The following RASAL2 variants were observed in gnomAD, a reference collection of about 807,000 sequenced individuals.
RASAL2 encodes the protein ras GTPase-activating protein nGAP.
In RASAL2, 58 loss-of-function variants were observed where a neutral mutation model predicts 128.9. The observed-to-expected ratio is 0.45, with a 90% CI of 0.36 to 0.56. RASAL2 has a LOEUF of 0.56. Ranked by LOEUF, RASAL2 falls within the 20% of genes least tolerant of loss-of-function variation. The pLI is 0.00. For synonymous variants in RASAL2, 561 were observed against 580.8 expected (o/e 0.97, Z 0.49); for missense variants, 1,360 against 1,601.6 (o/e 0.85, Z 2.57).
intron 1 of RASAL2, among the ~76,000 whole-genome samples, chr1:178,213,750 G>C (rs1219971857): frequency 6.6e-6 from 1 of 151,636 alleles, no homozygotes; most frequent in Non-Finnish European, 1.5e-5. Flanking sequence ...TTGGGGGAGT[G>C]GGGGAAGGAG....
chr1:178,296,283 A>G (rs572208878), intron 2 of RASAL2, among the ~76,000 whole-genome samples: 1 of 152,230 alleles, frequency 6.6e-6, no homozygotes, highest in Non-Finnish European at 1.5e-5. Flanking sequence ...CTTTGTTATT[A>G]ACACATCTTA....
At chr1:178,241,689 G>GGT (rs1449020647) in intron 1 of RASAL2, among the ~76,000 whole-genome samples, 5 of 152,116 alleles carry the variant, frequency 3.3e-5, no homozygotes, top group Non-Finnish European at 7.4e-5. Context: ...CACTCAGAAG[G>GGT]GTGTGCAAAG....
chr1:178,270,089 C>T (rs1666175691), intron 1 of RASAL2, among the ~76,000 whole-genome samples: 1 of 152,158 alleles, frequency 6.6e-6, no homozygotes, highest in Admixed American at 6.5e-5. Context: ...ATATTGAACT[C>T]ATTGCTCCAT....
intron 1 of RASAL2, among the ~76,000 whole-genome samples, chr1:178,257,778 C>T (rs1558147326): frequency 6.7e-6 from 1 of 149,176 alleles, no homozygotes; most frequent in South Asian, 2.1e-4. Flanking sequence ...TGAGTTGAGG[C>T]TGCAATGAGC....
At chr1:178,271,460 C>T (rs1666255517) in intron 1 of RASAL2, among the ~76,000 whole-genome samples, 1 of 152,152 alleles carries the variant, frequency 6.6e-6, no homozygotes, top group Admixed American at 6.5e-5. Context: ...AACCTAGTAG[C>T]TGCCATATAT....
At chr1:178,406,612 C>T (rs960997294) in intron 4 of RASAL2, among the ~76,000 whole-genome samples, 2 of 151,910 alleles carry the variant, frequency 1.3e-5, no homozygotes, top group African/African-American at 2.4e-5. Flanking sequence ...AAACAAAATA[C>T]ATAAAAAGTT....
chr1:178,345,526 A>G (rs1670106053), intron 3 of RASAL2, among the ~76,000 whole-genome samples: 1 of 152,116 alleles, frequency 6.6e-6, no homozygotes, highest in Non-Finnish European at 1.5e-5. Context: ...TACTACCTTT[A>G]GTTTATATGA....
chr1:178,240,240 G>A lies in RASAL2; in HGVS notation c.203-43324G>A, dbSNP rs1664439764. Among the ~76,000 whole-genome samples, 5 of 152,108 alleles carry A rather than the reference G, an allele frequency of 3.3e-5. No individual in the cohort carries two copies. In the South Asian group the frequency reaches 1.0e-3, roughly 32 times the overall value. On this transcript the variant is annotated intron_variant, in intron 1 of 17. Transcript: ENST00000367649. ...GCCTATTATTTCAATTTATTGGACT[G>A]TTAGTGATACCGCAGATATTGTTAT... is the stretch of plus-strand genomic sequence containing the variant.
At chr1:178,371,509 TAC>T (rs1671718063) in intron 3 of RASAL2, among the ~76,000 whole-genome samples, 1 of 152,112 alleles carries the variant, frequency 6.6e-6, no homozygotes, top group Admixed American at 6.6e-5. Context: ...GGCAGTCAGT[TAC>T]AGATTCCATT....
intron 1 of RASAL2, among the ~76,000 whole-genome samples, chr1:178,280,909 C>T (rs1666749793): frequency 6.6e-6 from 1 of 151,992 alleles, no homozygotes; most frequent in African/African-American, 2.4e-5. Context: ...GGACAAAAAT[C>T]TGAGCTTGTC....
At chr1:178,321,168 C>T in intron 3 of RASAL2, among the ~76,000 whole-genome samples, 1 of 152,084 alleles carries the variant, frequency 6.6e-6, no homozygotes. Flanking sequence ...ACTGCAACCT[C>T]CACCTCCCGG....
At chr1:178,308,428 A>G (rs1668093351) in intron 3 of RASAL2, among the ~76,000 whole-genome samples, 1 of 152,112 alleles carries the variant, frequency 6.6e-6, no homozygotes, top group African/African-American at 2.4e-5. Flanking sequence ...AAAACTTTGA[A>G]GAAAATTAAT....
chr1:178,391,056 G>GA (rs1403837027), intron 4 of RASAL2, among the ~76,000 whole-genome samples: 1 of 152,162 alleles, frequency 6.6e-6, no homozygotes, highest in Non-Finnish European at 1.5e-5. Context: ...AAGTGCTTAA[G>GA]AAAAACCTTG....
At chr1:178,240,467 GT>G (rs997562164) in intron 1 of RASAL2, among the ~76,000 whole-genome samples, 16 of 150,486 alleles carry the variant, frequency 1.1e-4, no homozygotes, top group East Asian at 3.9e-4. Flanking sequence ...TTTTTATCCA[GT>G]TTTTTTTTCT....
chr1:178,233,473 G>C (rs1021399319), intron 1 of RASAL2, among the ~76,000 whole-genome samples: 3 of 152,210 alleles, frequency 2.0e-5, no homozygotes, highest in African/African-American at 4.8e-5. Flanking sequence ...AAGCCACTGG[G>C]TGCTTATCGG....
intron 3 of RASAL2, among the ~76,000 whole-genome samples, chr1:178,360,689 A>C (rs920802861): frequency 5.9e-5 from 9 of 152,240 alleles, no homozygotes; most frequent in South Asian, 2.1e-4. Context: ...TGGGTGGCTT[A>C]GACAACAGAA....
intron 3 of RASAL2, among the ~76,000 whole-genome samples, chr1:178,330,322 C>G (rs1018438634): frequency 6.6e-6 from 1 of 152,176 alleles, no homozygotes; most frequent in Non-Finnish European, 1.5e-5. Context: ...ATTCTGCAAG[C>G]TACTGTCCTG....
At chr1:178,260,410 ATATATG>A (rs1447952225) in intron 1 of RASAL2, among the ~76,000 whole-genome samples, 1 of 94,996 alleles carries the variant, frequency 1.1e-5, no homozygotes, top group Non-Finnish European at 2.1e-5. Flanking sequence ...ATATATATAT[ATATATG>A]ATAATAATTT....
chr1:178,347,565 C>T (rs1048345659), intron 3 of RASAL2, among the ~76,000 whole-genome samples: 1 of 152,086 alleles, frequency 6.6e-6, no homozygotes, highest in African/African-American at 2.4e-5. Context: ...ACAAGGTGTG[C>T]AGCTATTGTT....
Sources: allele counts gnomAD v4.1 joint callset (sites outside exome capture counted in the v4.1 genomes callset), GRCh38; gene constraint gnomAD v4.1.1; transcripts MANE v1.5; gene names NCBI Gene and HGNC (gene_info 2026-07-23, HGNC 2026-07-21).